The following MTF1 variants were observed in gnomAD, a reference collection of about 807,000 sequenced individuals.
MTF1 encodes the protein metal regulatory transcription factor 1.
In MTF1, 22 loss-of-function variants were observed where a neutral mutation model predicts 70.4. The ratio of observed to expected loss-of-function variants is 0.31; its 90% CI spans 0.22 to 0.45. MTF1 has a LOEUF of 0.45. MTF1 is among the 20% of genes least tolerant of loss of function. The probability of loss-of-function intolerance (pLI) is 1.00; values close to 1 mark genes in which losing one functional copy is unlikely to be tolerated. For missense variants in MTF1, 649 were observed against 922.0 expected (o/e 0.70, Z 3.83); for synonymous variants, 333 against 352.8 (o/e 0.94, Z 0.63).
At chr1:37,850,993 T>C (rs2148421486) in intron 2 of MTF1, among the ~76,000 whole-genome samples, 1 of 152,070 alleles carries the variant, frequency 6.6e-6, no homozygotes, top group South Asian at 2.1e-4. Context: ...AAGGAAGAGC[T>C]AAAGGATCAT....
In MTF1 at chr1:37,850,084, C is replaced by T. The variant is rs1478727481; in HGVS notation, c.408+7167G>A. On this transcript the variant is annotated intron_variant, in intron 2 of 10. Transcript: ENST00000373036. ...GACCCCTCTCTACCAAAACAACCAC[C>T]AAAAAGTAGCCGGCACAGTAGCACA... 2.0e-5 allele frequency among the ~76,000 whole-genome samples: 3 copies of T among 151,602 alleles called. No individual in the cohort carries two copies. The East Asian group carries it at 5.8e-4, about 30-fold the overall frequency.
At position 37,810,361 on chromosome 1, in the gene MTF1, T is replaced by G. The variant is rs1181528810; in HGVS notation, c.*4775A>C. ...AACAGGCACACCACCAAAAGGGCAG[T>G]GTGTGGTTTTAAACCTCAATTCCAG... On this transcript the variant is annotated 3_prime_UTR_variant, in exon 11 of 11. Coordinates refer to ENST00000373036, the MANE Select transcript of MTF1 (RefSeq NM_005955.3). 6.6e-6 allele frequency: 1 copy of G among 152,398 alleles called. No homozygotes were observed. Among genetic ancestry groups the G allele is most frequent in the South Asian group, 2.1e-4 (1 of 4,834 alleles). The allele number at this position is 152,398 out of a possible 1,614,324, so 9.4% of individuals were successfully genotyped here. A position where few individuals can be genotyped will look rare whatever the true frequency, so the allele number is the denominator to read the frequency against.
intron 2 of MTF1, among the ~76,000 whole-genome samples, chr1:37,853,653 G>T (rs560824972): frequency 6.6e-6 from 1 of 152,080 alleles, no homozygotes; most frequent in South Asian, 2.1e-4. Context: ...CCTCTCTCTT[G>T]GAAAAACCTT....
At chr1:37,849,319 G>A (rs956597046) in intron 2 of MTF1, among the ~76,000 whole-genome samples, 6 of 151,930 alleles carry the variant, frequency 3.9e-5, no homozygotes, top group South Asian at 4.2e-4. Flanking sequence ...CTGGCTACTC[G>A]GGAGGCTGAG....
intron 2 of MTF1, among the ~76,000 whole-genome samples, chr1:37,843,438 C>A (rs1044019881): frequency 1.3e-5 from 2 of 152,080 alleles, no homozygotes; most frequent in Non-Finnish European, 2.9e-5. Context: ...GGGAAAGCCT[C>A]AGGTAGGAGA....
chr1:37,851,856 AT>A (rs1198786577), intron 2 of MTF1, among the ~76,000 whole-genome samples: 1 of 146,510 alleles, frequency 6.8e-6, no homozygotes, highest in Non-Finnish European at 1.5e-5. Flanking sequence ...TACCAAACTT[AT>A]TTAAAAAAAA....
chr1:37,832,343 T>C, intron 6 of MTF1, 21 bp from the exon 7 acceptor site: 8 of 1,531,476 alleles, frequency 5.2e-6, no homozygotes, highest in Non-Finnish European at 7.2e-6. Context: ...GAAAAAATTC[T>C]AATTGAGTAA....
Position 37,822,174 on chromosome 1 carries a change from A to C in MTF1, c.1714T>G (p.Leu572Val). 1 of 1,613,004 alleles carries C rather than the reference A, an allele frequency of 6.2e-7. No individual in the cohort carries two copies. The highest frequency in any genetic ancestry group is 8.5e-7 in the Non-Finnish European group (1 of 1,179,484). The change falls in exon 9 of 11, where the codon TTA becomes GTA. Residue 572 changes from leucine (L) to valine (V), a missense_variant. Around this residue, in one of 7 missense-constraint regions of MTF1, gnomAD observed 39 missense variants for 97.8 expected, o/e 0.40. Coordinates refer to ENST00000373036, the MANE Select transcript of MTF1 (RefSeq NM_005955.3). The stretch of plus-strand genomic sequence containing the variant: ...GTGGCACCATTTAATATCCATTGTA[A>C]GTTCTGTTCTCCCATGACTAGGCTG... ...QSSLVMGEQN[L>V]QWILNGATSS... is the part of the protein sequence containing the mutation.
rs755412213 is a variant in MTF1 at position 37,857,702 on chromosome 1, T to C, written c.-44A>G. 2 of 1,586,932 alleles carry C rather than the reference T, an allele frequency of 1.3e-6. No individual in the cohort carries two copies. Among genetic ancestry groups the C allele is most frequent in the African/African-American group, 1.3e-5 (1 of 74,470 alleles). On this transcript the variant is annotated 5_prime_UTR_variant, in exon 2 of 11. Coordinates refer to ENST00000373036, the MANE Select transcript of MTF1 (RefSeq NM_005955.3). ...CCAGTTGTGAGAAATGAAAACGTAA[T>C]GACTTGTCTGCAACAGAACAAAGCC... is the stretch of plus-strand genomic sequence containing the variant.
intron 6 of MTF1, among the ~76,000 whole-genome samples, chr1:37,834,051 A>G (rs1197099790): frequency 7.2e-5 from 11 of 151,914 alleles, no homozygotes; most frequent in Admixed American, 5.9e-4. Context: ...CATGGTGAAG[A>G]CCACATCTCT....
At position 37,821,481 on chromosome 1, in the gene MTF1, T is replaced by C. The variant is rs148461257; in HGVS notation, c.1767+640A>G. 1.7e-3 allele frequency among the ~76,000 whole-genome samples: 265 copies of C among 152,316 alleles called. 1 individual carries two copies. Among genetic ancestry groups the C allele is most frequent in the African/African-American group, 6.1e-3 (252 of 41,564 alleles). ...TTTTAGCCTCTTTAACTAGAATATATGTTTTTATAAAAAATAAATCATGTT... is the reference window on the plus strand; with the variant it reads ...TTTTAGCCTCTTTAACTAGAATATACGTTTTTATAAAAAATAAATCATGTT... On this transcript the variant is annotated intron_variant, in intron 9 of 10. Transcript: ENST00000373036.
intron 3 of MTF1, 62 bp from the exon 4 acceptor site, chr1:37,838,818 T>TTTTTTTTTTTTTTTTTTTTTTTG: frequency 8.3e-7 from 1 of 1,203,582 alleles, no homozygotes; most frequent in Non-Finnish European, 1.1e-6. Context: ...TTTTTTTTTT[T>TTTTTTTTTTTTTTTTTTTTTTTG]TCTGAGACAG....
chr1:37,815,414 T>C lies in MTF1; in HGVS notation c.1984A>G (p.Ser662Gly). The C allele has an allele frequency of 6.2e-7, 1 of 1,613,748 alleles. No homozygotes were observed. Among genetic ancestry groups the C allele is most frequent in the Non-Finnish European group, 8.5e-7 (1 of 1,179,848 alleles). ...CTGGGCCCATCAGGAGCCTGGGGGC[T>C]CGGCTCTGGAGGGGGTGGGGAGGAG... The part of the protein sequence containing the change: ...GCSSPPPPEP[S>G]PQAPDGPSLQ... Residue 662 changes from serine (S) to glycine (G), a missense_variant, in exon 11 of 11, where the codon AGC (serine) becomes GGC (glycine). Transcript: ENST00000373036. This position sits in a 1 kb window ranked among gnomAD's most constrained non-coding sequence, Gnocchi z 4.5.
chr1:37,822,498 GAGC>G lies in MTF1; in HGVS notation c.1387_1389del (p.Ala463del). The G allele has an allele frequency of 6.2e-7, 1 of 1,614,154 alleles. No individual in the cohort carries two copies. The highest frequency in any genetic ancestry group is 1.3e-5 in the African/African-American group (1 of 75,034). On this transcript the variant is annotated inframe_deletion, in exon 9 of 11. Coordinates refer to ENST00000373036, the MANE Select transcript of MTF1 (RefSeq NM_005955.3). ...ACAGGCACTTCTGGAGGTTGTAAGA[GAGC>G]AGGGGGGTTGCCAAATGCAGCTTGC...
chr1:37,822,395 C>A lies in MTF1; in HGVS notation c.1493G>T (p.Gly498Val). ...AGAAGCCCCAGCAACAACAGAAAGTCCTGGTACAATGGGCTGCGGTGCCTG... is the reference window on the plus strand; with the variant it reads ...AGAAGCCCCAGCAACAACAGAAAGTACTGGTACAATGGGCTGCGGTGCCTG... The part of the protein sequence containing the change: ...HPQAPQPIVP[G>V]LSVVAGASAS... Residue 498 changes from glycine to valine, a missense_variant, in exon 9 of 11, where the codon GGA becomes GTA. Coordinates refer to ENST00000373036, the MANE Select transcript of MTF1 (RefSeq NM_005955.3). The A allele has an allele frequency of 6.2e-7, 1 of 1,614,134 alleles. No homozygotes were observed. The highest frequency in any genetic ancestry group is 8.5e-7 in the Non-Finnish European group (1 of 1,180,008).
At chr1:37,821,785 A>G (rs1016639393) in intron 9 of MTF1, among the ~76,000 whole-genome samples, 3 of 152,164 alleles carry the variant, frequency 2.0e-5, no homozygotes, top group Non-Finnish European at 1.5e-5. Context: ...CTCTGCCTTG[A>G]AAACAACCTT....
chr1:37,844,902 G>C (rs917117336), intron 2 of MTF1, among the ~76,000 whole-genome samples: 1 of 152,138 alleles, frequency 6.6e-6, no homozygotes, highest in East Asian at 1.9e-4. Context: ...AGAGCTTCCT[G>C]TAAAGCACAT....
At chr1:37,826,562 C>T (rs530716659) in intron 7 of MTF1, 1 of 455,472 alleles carries the variant, frequency 2.2e-6, no homozygotes, top group South Asian at 1.6e-5. Context: ...TATGAGCCAC[C>T]ACCACCAGCT....
chr1:37,840,298 C>T lies in MTF1; in HGVS notation c.409-140G>A. 1.4e-6 allele frequency: 1 copy of T among 706,310 alleles called. No individual in the cohort carries two copies. Among genetic ancestry groups the T allele is most frequent in the Non-Finnish European group, 2.4e-6 (1 of 412,480 alleles). 43.8% of individuals were successfully genotyped at this position (706,310 alleles called of 1,614,324 possible). A position where few individuals can be genotyped will look rare whatever the true frequency, so the allele number is the denominator to read the frequency against. On this transcript the variant is annotated intron_variant, in intron 2 of 10. Coordinates refer to ENST00000373036, the MANE Select transcript of MTF1 (RefSeq NM_005955.3). The surrounding 1 kb of genome is among the most constrained non-coding windows in gnomAD (Gnocchi z 4.5). ...CATAAACACAGAAAACAGCCTCTAG[C>T]AGCAAAGTGGAAAAACCTTATTGTT... is the stretch of plus-strand genomic sequence containing the variant.
Sources: gnomAD v4.1 joint callset for allele counts (sites outside exome capture counted in the v4.1 genomes callset) on GRCh38, gnomAD v4.1.1 for gene constraint, gnomAD v4.1.1 regional missense constraint, Gnocchi (gnomAD v3.1) non-coding constraint, MANE v1.5 for transcripts, NCBI Gene and HGNC (gene_info 2026-07-23, HGNC 2026-07-21) for gene names.